The following OSTF1 variants were observed in gnomAD, a reference collection of about 807,000 sequenced individuals.
OSTF1 encodes osteoclast-stimulating factor 1.
A neutral mutation model predicts 37.2 loss-of-function variants in OSTF1; 27 were observed. That is an observed-to-expected ratio of 0.73 (90% CI 0.54 to 1.00). The LOEUF (loss-of-function observed/expected upper bound fraction) is 1.00. Ranked by LOEUF, OSTF1 falls within the 50% of genes least tolerant of loss-of-function variation. The probability of loss-of-function intolerance (pLI) is 0.00; values close to 1 mark genes in which losing one functional copy is unlikely to be tolerated. For synonymous variants in OSTF1, 82 were observed against 89.2 expected, an observed-to-expected ratio of 0.92 and a Z score of 0.46; for missense variants, 232 against 253.8, an observed-to-expected ratio of 0.91 and a Z score of 0.58.
At chr9:75,143,069 A>G (rs1252090811) in intron 9 of OSTF1, among the ~76,000 whole-genome samples, 2 of 151,726 alleles carry the variant, frequency 1.3e-5, no homozygotes, top group Admixed American at 1.3e-4. Flanking sequence ...CCTCCTGAGT[A>G]GCTGGGATTA....
chr9:75,114,153 TTG>T (rs60557033), intron 1 of OSTF1, among the ~76,000 whole-genome samples: 17 of 150,478 alleles, frequency 1.1e-4, no homozygotes, highest in South Asian at 1.1e-3. Flanking sequence ...TAGTATTCTA[TTG>T]TGTGTGTGTG....
intron 1 of OSTF1, among the ~76,000 whole-genome samples, chr9:75,106,726 C>T (rs182286524): frequency 3.4e-4 from 50 of 147,270 alleles, no homozygotes; most frequent in East Asian, 2.8e-3. Context: ...GAGGCCGGGG[C>T]GGGCGGATCA....
At chr9:75,146,634 G>T (rs1212731934) in intron 9 of OSTF1, 49 bp from the exon 10 acceptor site, 2 of 1,200,690 alleles carry the variant, frequency 1.7e-6, no homozygotes, top group African/African-American at 1.5e-5. Context: ...TAAAATCTGA[G>T]CAGTTTATAA....
chr9:75,109,674 C>A (rs1215108516), intron 1 of OSTF1, among the ~76,000 whole-genome samples: 2 of 152,122 alleles, frequency 1.3e-5, no homozygotes, highest in Non-Finnish European at 2.9e-5. Flanking sequence ...TTTTTGTATG[C>A]AATATTTTCT....
At chr9:75,102,790 A>G (rs191058610) in intron 1 of OSTF1, among the ~76,000 whole-genome samples, 2 of 152,312 alleles carry the variant, frequency 1.3e-5, no homozygotes, top group Admixed American at 6.5e-5. Flanking sequence ...ATGAATAACT[A>G]CTTTTATCTC....
intron 8 of OSTF1, among the ~76,000 whole-genome samples, chr9:75,139,060 T>TCTTTCTTTCTTTCTTTCTTTTCTTTC (rs1187745291): frequency 7.0e-6 from 1 of 142,802 alleles, no homozygotes; most frequent in African/African-American, 2.9e-5. Context: ...CTTTCTTTTT[T>TCTTTCTTTCTTTCTTTCTTTTCTTTC]TTTTGAAACT....
At chr9:75,112,642 C>T (rs1178595642) in intron 1 of OSTF1, among the ~76,000 whole-genome samples, 2 of 152,224 alleles carry the variant, frequency 1.3e-5, no homozygotes, top group Non-Finnish European at 2.9e-5. Context: ...CAGTTGTGAA[C>T]ATTTTAAGTA....
At position 75,123,125 on chromosome 9, in the gene OSTF1, T is replaced by TA. The variant is rs1419094897; in HGVS notation, c.82-4438dup. On this transcript the variant is annotated intron_variant, in intron 2 of 9. Transcript: ENST00000346234. ...GGAGAGAGGAAAGGAGGAATGTAGT[T>TA]AAAAAACAAAGAAAGGCCGGGCGCA... 1.1e-3 allele frequency among the ~76,000 whole-genome samples: 162 copies of TA among 152,210 alleles called. 1 individual carries two copies. The highest frequency in any genetic ancestry group is 3.7e-3 in the African/African-American group (153 of 41,544).
chr9:75,122,647 C>T (rs886787879), intron 2 of OSTF1, among the ~76,000 whole-genome samples: 16 of 152,164 alleles, frequency 1.1e-4, no homozygotes, highest in African/African-American at 3.9e-4. Flanking sequence ...ACTTCGTAAT[C>T]TGACTTATAG....
At chr9:75,098,209 C>T (rs901590564) in intron 1 of OSTF1, among the ~76,000 whole-genome samples, 3 of 152,194 alleles carry the variant, frequency 2.0e-5, no homozygotes, top group Admixed American at 1.3e-4. Context: ...CAATGATCCA[C>T]TTCCCAACTC....
chr9:75,112,832 G>T (rs1262749928), intron 1 of OSTF1, among the ~76,000 whole-genome samples: 1 of 152,190 alleles, frequency 6.6e-6, no homozygotes, highest in Non-Finnish European at 1.5e-5. Flanking sequence ...GAACAAGAAA[G>T]TTCTATCGTT....
intron 1 of OSTF1, among the ~76,000 whole-genome samples, chr9:75,094,713 G>T (rs1012649011): frequency 6.6e-5 from 10 of 152,044 alleles, no homozygotes; most frequent in African/African-American, 2.4e-4. Flanking sequence ...ATATGAGTGA[G>T]GTGTCAAGAT....
chr9:75,118,034 A>T (rs1445882398), intron 2 of OSTF1, among the ~76,000 whole-genome samples: 1 of 152,190 alleles, frequency 6.6e-6, no homozygotes, highest in African/African-American at 2.4e-5. Flanking sequence ...TATATGCCAG[A>T]CACTGGTCCA....
At chr9:75,097,812 T>C (rs1483358825) in intron 1 of OSTF1, among the ~76,000 whole-genome samples, 7 of 151,698 alleles carry the variant, frequency 4.6e-5, no homozygotes, top group East Asian at 1.9e-4. Context: ...GTTAACTTGC[T>C]AGGTGACCTT....
intron 9 of OSTF1, among the ~76,000 whole-genome samples, chr9:75,145,189 G>C (rs77742769): frequency 3.0e-4 from 28 of 91,984 alleles, no homozygotes; most frequent in Admixed American, 1.6e-3. Context: ...TCTATCTATC[G>C]GTTTGATCTA....
At chr9:75,105,983 C>T (rs111474778) in intron 1 of OSTF1, among the ~76,000 whole-genome samples, 6 of 152,148 alleles carry the variant, frequency 3.9e-5, no homozygotes, top group South Asian at 4.1e-4. Flanking sequence ...ATAAACAGAA[C>T]GCTCTTGTCA....
At chr9:75,143,475 T>G (rs1403982276) in intron 9 of OSTF1, among the ~76,000 whole-genome samples, 1 of 152,198 alleles carries the variant, frequency 6.6e-6, no homozygotes, top group Non-Finnish European at 1.5e-5. Context: ...ACACGCCACA[T>G]GCCTCCCTCA....
chr9:75,088,751 G>T (rs1236885819), intron 1 of OSTF1, 25 bp downstream of exon 1: 2 of 1,595,234 alleles, frequency 1.3e-6, no homozygotes, highest in African/African-American at 1.3e-5. Context: ...GTAGGCGCTT[G>T]CCAGGTCCTG....
At chr9:75,119,579 G>C (rs1460716478) in intron 2 of OSTF1, among the ~76,000 whole-genome samples, 1 of 152,174 alleles carries the variant, frequency 6.6e-6, no homozygotes, top group Non-Finnish European at 1.5e-5. Flanking sequence ...TTTCTTCTGA[G>C]GCCTTGCTTC....
Sources: allele counts gnomAD v4.1 joint callset (sites outside exome capture counted in the v4.1 genomes callset), GRCh38; gene constraint gnomAD v4.1.1; transcripts MANE v1.5; gene names NCBI Gene and HGNC (gene_info 2026-07-23, HGNC 2026-07-21).